Variants in PRR11 observed in about 807,000 individuals in gnomAD.
PRR11 encodes proline rich 11.
PRR11 carries 30 observed loss-of-function variants against 45.6 expected under a neutral mutation model. That is an observed-to-expected ratio of 0.66 (90% CI 0.49 to 0.89). The LOEUF (loss-of-function observed/expected upper bound fraction) is 0.89, where lower values mean the gene tolerates loss of function less well. PRR11 is among the 40% of genes least tolerant of loss of function. The pLI is 0.00. For synonymous variants in PRR11, 128 were observed against 153.5 expected, an observed-to-expected ratio of 0.83 and a Z score of 1.23; for missense variants, 373 against 424.8, an observed-to-expected ratio of 0.88 and a Z score of 1.07.
Position 59,201,665 on chromosome 17 carries a change from T to C in PRR11, c.*34T>C. 1 of 1,603,304 alleles carries C rather than the reference T, an allele frequency of 6.2e-7. No homozygotes were observed. The highest frequency in any genetic ancestry group is 8.5e-7 in the Non-Finnish European group (1 of 1,171,216). On this transcript the variant is annotated 3_prime_UTR_variant, in exon 10 of 10. Transcript: ENST00000262293. ...CTGCCTCACTCCATGAGATGATCCA[T>C]AACAAATACAGATAAAAACACCCAG...
chr17:59,174,494 G>C (rs2046731293), intron 2 of PRR11, among the ~76,000 whole-genome samples: 1 of 152,112 alleles, frequency 6.6e-6, no homozygotes, highest in African/African-American at 2.4e-5. Flanking sequence ...GATTATTTTT[G>C]AGTCAGGGTC....
chr17:59,174,282 T>G (rs534243139), intron 2 of PRR11, among the ~76,000 whole-genome samples: 1 of 152,314 alleles, frequency 6.6e-6, no homozygotes, highest in East Asian at 1.9e-4. Flanking sequence ...CCATGCTAGA[T>G]CCGTTTCTAA....
chr17:59,161,221 A>G (rs182628473), intron 1 of PRR11, among the ~76,000 whole-genome samples: 103 of 152,244 alleles, frequency 6.8e-4, no homozygotes, highest in African/African-American at 2.5e-3. Flanking sequence ...AGCCAGGCCA[A>G]CATGGCGAAA....
intron 5 of PRR11, among the ~76,000 whole-genome samples, chr17:59,194,273 A>G (rs961029431): frequency 3.1e-4 from 44 of 142,352 alleles, no homozygotes; most frequent in Middle Eastern, 3.6e-3. Flanking sequence ...ATCCTCACAC[A>G]CACACACACA....
At chr17:59,180,882 G>C (rs2046781598) in intron 2 of PRR11, among the ~76,000 whole-genome samples, 1 of 151,558 alleles carries the variant, frequency 6.6e-6, no homozygotes, top group Non-Finnish European at 1.5e-5. Flanking sequence ...GCTCACTGCA[G>C]CCTCAAAGTC....
chr17:59,194,341 A>G (rs1184606082), intron 5 of PRR11, among the ~76,000 whole-genome samples: 1 of 151,098 alleles, frequency 6.6e-6, no homozygotes, highest in African/African-American at 2.4e-5. Flanking sequence ...TATTTGCCCT[A>G]ATTATACCTC....
rs183958324 is a variant in PRR11 at position 59,157,677 on chromosome 17, G to A, written c.-6+1872G>A. 4.9e-3 allele frequency among the ~76,000 whole-genome samples: 739 copies of A among 151,994 alleles called. 5 individuals are homozygous for A. The highest frequency in any genetic ancestry group is 0.017 in the African/African-American group (697 of 41,414). On this transcript the variant is annotated intron_variant, in intron 1 of 9. Transcript: ENST00000262293. ...AGATCACACCACTGCACTCCAGCCC[G>A]GGTGACAGAGCGAGACTCTGTCCAC...
At chr17:59,188,485 CTG>C (rs2046824769) in intron 4 of PRR11, among the ~76,000 whole-genome samples, 2 of 152,176 alleles carry the variant, frequency 1.3e-5, no homozygotes, top group South Asian at 4.1e-4. Flanking sequence ...ACAAAGAAAA[CTG>C]TCAAAGAATA....
At chr17:59,164,946 G>T (rs1033954297) in intron 1 of PRR11, among the ~76,000 whole-genome samples, 2 of 151,602 alleles carry the variant, frequency 1.3e-5, no homozygotes, top group African/African-American at 4.8e-5. Context: ...GCAGCCACAA[G>T]ATCGCTCCTT....
intron 2 of PRR11, chr17:59,180,018 C>G: frequency 1.1e-6 from 1 of 927,570 alleles, no homozygotes; most frequent in East Asian, 3.1e-5. Flanking sequence ...CCGTCTTTCT[C>G]CTTTGCTGAA....
At chr17:59,196,801 C>T (rs1271998182) in intron 7 of PRR11, among the ~76,000 whole-genome samples, 12 of 152,094 alleles carry the variant, frequency 7.9e-5, no homozygotes, top group Admixed American at 7.9e-4. Flanking sequence ...AGAAGTATTA[C>T]ATATTGGAAT....
At chr17:59,159,524 A>G (rs2046641611) in intron 1 of PRR11, among the ~76,000 whole-genome samples, 1 of 152,172 alleles carries the variant, frequency 6.6e-6, no homozygotes, top group African/African-American at 2.4e-5. Flanking sequence ...ATGGTCCCAT[A>G]AATCCAATTT....
chr17:59,195,288 A>AC (rs1365812142), intron 6 of PRR11, 43 bp from the exon 7 acceptor site: 2 of 1,451,502 alleles, frequency 1.4e-6, no homozygotes, highest in African/African-American at 2.8e-5. Context: ...TTTGAGTGAT[A>AC]TTTTAAAATT....
intron 7 of PRR11, 87 bp from the exon 8 acceptor site, chr17:59,197,457 T>A: frequency 8.1e-7 from 1 of 1,242,054 alleles, no homozygotes; most frequent in Admixed American, 1.8e-5. Context: ...TTCACCGTGT[T>A]AGCAAGGATG....
chr17:59,202,392 C>T lies in PRR11; in HGVS notation c.*761C>T, dbSNP rs2046897011. On this transcript the variant is annotated 3_prime_UTR_variant, in exon 10 of 10. Transcript: ENST00000262293. ...CCTGGGCAACATAATACAGGGAGAC[C>T]CCGTTTCTATTAAAAATACAAAAAT... is the stretch of plus-strand genomic sequence containing the variant. The T allele has an allele frequency of 2.6e-5, 4 of 152,000 alleles. No homozygotes were observed. The highest frequency in any genetic ancestry group is 2.0e-4 in the Admixed American group (3 of 15,244). 9.4% of individuals were successfully genotyped at this position (152,000 alleles called of 1,614,324 possible).
chr17:59,161,317 G>A (rs1305981462), intron 1 of PRR11, among the ~76,000 whole-genome samples: 1 of 150,002 alleles, frequency 6.7e-6, no homozygotes. Flanking sequence ...TGAGGCAGGA[G>A]AATCGCTTGA....
intron 1 of PRR11, among the ~76,000 whole-genome samples, chr17:59,157,277 G>A (rs944877739): frequency 2.0e-5 from 3 of 152,162 alleles, no homozygotes; most frequent in Admixed American, 6.5e-5. Flanking sequence ...TCACACCCTT[G>A]AAAAGCTCAC....
intron 6 of PRR11, 132 bp downstream of exon 6, chr17:59,194,987 A>C (rs571861071): frequency 1.5e-6 from 1 of 683,588 alleles, no homozygotes; most frequent in African/African-American, 1.8e-5. Flanking sequence ...CAGCATGGGG[A>C]ATATGGCAAG....
At chr17:59,168,150 T>G (rs2046688793) in intron 1 of PRR11, among the ~76,000 whole-genome samples, 1 of 150,198 alleles carries the variant, frequency 6.7e-6, no homozygotes, top group South Asian at 2.1e-4. Flanking sequence ...ATGTTTTTAT[T>G]TTATTTTATT....
Sources: gnomAD v4.1 joint callset for allele counts (sites outside exome capture counted in the v4.1 genomes callset) on GRCh38, gnomAD v4.1.1 for gene constraint, MANE v1.5 for transcripts, NCBI Gene and HGNC (gene_info 2026-07-23, HGNC 2026-07-21) for gene names.